Variants in DIAPH1 observed in about 807,000 individuals in gnomAD.
DIAPH1 encodes the protein protein diaphanous homolog 1.
Under a neutral mutation model 140.7 loss-of-function variants are expected in DIAPH1, and 46 were observed. The ratio of observed to expected loss-of-function variants is 0.33; its 90% CI spans 0.26 to 0.42. The LOEUF (loss-of-function observed/expected upper bound fraction) is 0.42, where lower values mean the gene tolerates loss of function less well. Ranked by LOEUF, DIAPH1 falls within the 10% of genes least tolerant of loss-of-function variation. The probability of loss-of-function intolerance (pLI) is 1.00; values close to 1 mark genes in which losing one functional copy is unlikely to be tolerated. For synonymous variants in DIAPH1, 565 were observed against 551.6 expected, an observed-to-expected ratio of 1.02 and a Z score of -0.34; for missense variants, 1,310 against 1,558.7, an observed-to-expected ratio of 0.84 and a Z score of 2.69.
At chr5:141,556,891 C>T (rs1456417101) in intron 18 of DIAPH1, among the ~76,000 whole-genome samples, 1 of 152,146 alleles carries the variant, frequency 6.6e-6, no homozygotes, top group African/African-American at 2.4e-5. Flanking sequence ...GACGAGGTTT[C>T]GCCATATTGG....
intron 18 of DIAPH1, among the ~76,000 whole-genome samples, chr5:141,544,106 C>G (rs976972261): frequency 6.6e-6 from 1 of 151,798 alleles, no homozygotes; most frequent in South Asian, 2.1e-4. Flanking sequence ...GTCAGGAGAT[C>G]GAGACCATCC....
chr5:141,527,953 AAG>A (rs1187853136), intron 23 of DIAPH1, among the ~76,000 whole-genome samples: 6 of 152,224 alleles, frequency 3.9e-5, no homozygotes, highest in East Asian at 1.9e-4. Flanking sequence ...CTAGGAACAG[AAG>A]AGAGACTTCA....
At chr5:141,521,660 G>C (rs1043646717) in intron 27 of DIAPH1, among the ~76,000 whole-genome samples, 1 of 152,220 alleles carries the variant, frequency 6.6e-6, no homozygotes, top group African/African-American at 2.4e-5. Flanking sequence ...GGAGGGCTAT[G>C]AGGCAGATAT....
chr5:141,523,000 G>A (rs925210380), intron 27 of DIAPH1, among the ~76,000 whole-genome samples: 1 of 152,194 alleles, frequency 6.6e-6, no homozygotes, highest in African/African-American at 2.4e-5. Flanking sequence ...CACAGTGATG[G>A]CTGTTGTTGG....
At chr5:141,611,074 G>C (rs1203769919) in intron 1 of DIAPH1, among the ~76,000 whole-genome samples, 2 of 151,826 alleles carry the variant, frequency 1.3e-5, no homozygotes, top group Non-Finnish European at 2.9e-5. Context: ...TTGGGTGACA[G>C]AGTGAGACTC....
chr5:141,554,691 A>G (rs1175284119), intron 18 of DIAPH1, among the ~76,000 whole-genome samples: 2 of 152,202 alleles, frequency 1.3e-5, no homozygotes, highest in Non-Finnish European at 1.5e-5. Flanking sequence ...AAATAAAAAT[A>G]ATAACAGATC....
intron 19 of DIAPH1, among the ~76,000 whole-genome samples, chr5:141,533,911 G>GTC (rs1445330072): frequency 1.3e-5 from 2 of 151,770 alleles, no homozygotes; most frequent in Non-Finnish European, 2.9e-5. Flanking sequence ...CACACCTGTA[G>GTC]TCTCAGCTAC....
intron 19 of DIAPH1, among the ~76,000 whole-genome samples, chr5:141,532,359 G>A (rs868786455): frequency 1.3e-5 from 2 of 152,152 alleles, no homozygotes; most frequent in African/African-American, 4.8e-5. Flanking sequence ...TGTAGAGACA[G>A]GGGTCTTGCT....
At chr5:141,561,515 A>C (rs1241103829) in intron 18 of DIAPH1, among the ~76,000 whole-genome samples, 1 of 149,738 alleles carries the variant, frequency 6.7e-6, no homozygotes, top group Non-Finnish European at 1.5e-5. Context: ...GAAATCTAGA[A>C]GTGCTCTAGA....
intron 1 of DIAPH1, among the ~76,000 whole-genome samples, chr5:141,609,577 T>C (rs1442135127): frequency 6.6e-6 from 1 of 152,206 alleles, no homozygotes; most frequent in African/African-American, 2.4e-5. Context: ...AAGGTCAATG[T>C]AGAGATTAAT....
At chr5:141,555,644 T>C (rs2099892458) in intron 18 of DIAPH1, among the ~76,000 whole-genome samples, 1 of 152,184 alleles carries the variant, frequency 6.6e-6, no homozygotes, top group African/African-American at 2.4e-5. Flanking sequence ...AATTTCAGTT[T>C]ACAGAATTGT....
intron 1 of DIAPH1, among the ~76,000 whole-genome samples, chr5:141,611,718 A>AT (rs2099901868): frequency 1.3e-5 from 2 of 152,226 alleles, no homozygotes; most frequent in African/African-American, 2.4e-5. Context: ...AAAGATATAT[A>AT]AACAGCAAGT....
At position 141,529,174 on chromosome 5, in the gene DIAPH1, C is replaced by T. The variant is rs1307134378; in HGVS notation, c.2776G>A (p.Val926Met). The T allele has an allele frequency of 6.2e-7, 1 of 1,614,082 alleles. No individual in the cohort carries two copies. The change falls in exon 21 of 28, where the codon GTG becomes ATG. Residue 926 changes from valine to methionine, a missense_variant and splice_region_variant. By Grantham distance (21) the Val-to-Met change is conservative. Around this residue, in one of 3 missense-constraint regions of DIAPH1, gnomAD observed 344 missense variants for 512.2 expected, o/e 0.67. Coordinates refer to ENST00000389054, the MANE Select transcript of DIAPH1 (RefSeq NM_005219.5). ...DLAESEQFGV[V>M]MGTVPRLRPR... ...TTACTGCCACAGGCCTCACTCACCA[C>T]CACGCCAAACTGCTCTGACTCAGCC...
chr5:141,588,120 T>C, intron 2 of DIAPH1, 104 bp downstream of exon 2: 2 of 935,560 alleles, frequency 2.1e-6, no homozygotes, highest in South Asian at 1.3e-5. Context: ...GTAGAAGCCA[T>C]ATCACCACTA....
At chr5:141,548,626 T>A (rs891483428) in intron 18 of DIAPH1, among the ~76,000 whole-genome samples, 1 of 151,984 alleles carries the variant, frequency 6.6e-6, no homozygotes, top group East Asian at 1.9e-4. Flanking sequence ...GGCAATAAGG[T>A]TGAGACCCTG....
At chr5:141,528,074 A>G (rs1216881245) in intron 23 of DIAPH1, among the ~76,000 whole-genome samples, 1 of 152,210 alleles carries the variant, frequency 6.6e-6, no homozygotes, top group Non-Finnish European at 1.5e-5. Context: ...AGGCGGGGGC[A>G]GAAATCTGTT....
chr5:141,601,570 G>A (rs116376832), intron 1 of DIAPH1, among the ~76,000 whole-genome samples: 3,508 of 152,258 alleles, frequency 0.023, 55 homozygotes, highest in East Asian at 0.046. Context: ...GATGACAGGC[G>A]TGAGCCACCG....
chr5:141,573,399 C>T, intron 16 of DIAPH1, 93 bp downstream of exon 16: 1 of 1,461,268 alleles, frequency 6.8e-7, no homozygotes, highest in Non-Finnish European at 9.4e-7. Context: ...CGCACCACTG[C>T]ACTCCAGCCT....
chr5:141,612,234 T>C (rs942549130), intron 1 of DIAPH1, among the ~76,000 whole-genome samples: 5 of 152,170 alleles, frequency 3.3e-5, no homozygotes, highest in Admixed American at 6.5e-5. Context: ...TGGAAAACAG[T>C]TTGAAAACAG....
Sources: allele counts gnomAD v4.1 joint callset (sites outside exome capture counted in the v4.1 genomes callset), GRCh38; gene constraint gnomAD v4.1.1; regional missense constraint gnomAD v4.1.1; transcripts MANE v1.5; gene names NCBI Gene and HGNC (gene_info 2026-07-23, HGNC 2026-07-21).